HS3ST3A1: variants seen among roughly 807,000 people sequenced by gnomAD.
HS3ST3A1 encodes the protein heparan sulfate glucosamine 3-O-sulfotransferase 3A1.
Under a neutral mutation model 25.7 loss-of-function variants are expected in HS3ST3A1, and 19 were observed. The observed-to-expected ratio is 0.74, with a 90% confidence interval of 0.52 to 1.08. The LOEUF is 1.08. Ranked by LOEUF, HS3ST3A1 falls within the 50% of genes least tolerant of loss-of-function variation. The pLI is 0.00. For synonymous variants in HS3ST3A1, 226 were observed against 278.6 expected, an observed-to-expected ratio of 0.81 and a Z score of 1.88; for missense variants, 459 against 594.3, an observed-to-expected ratio of 0.77 and a Z score of 2.37.
chr17:13,561,223 C>T (rs1375861293), intron 1 of HS3ST3A1, among the ~76,000 whole-genome samples: 1 of 152,058 alleles, frequency 6.6e-6, no homozygotes, highest in East Asian at 1.9e-4. Context: ...AGACCCATTG[C>T]CCTAGAGGAA....
intron 1 of HS3ST3A1, among the ~76,000 whole-genome samples, chr17:13,588,840 C>G (rs568953528): frequency 2.0e-5 from 3 of 152,150 alleles, no homozygotes; most frequent in Non-Finnish European, 4.4e-5. Context: ...CCCACCACCA[C>G]GCCCAGCTAA....
At chr17:13,511,126 G>A (rs1033003767) in intron 1 of HS3ST3A1, among the ~76,000 whole-genome samples, 1 of 152,140 alleles carries the variant, frequency 6.6e-6, no homozygotes, top group Admixed American at 6.5e-5. Flanking sequence ...CAGGTAAGAA[G>A]GGCTCTGACT....
chr17:13,583,366 A>T (rs1436826959), intron 1 of HS3ST3A1, among the ~76,000 whole-genome samples: 2 of 152,184 alleles, frequency 1.3e-5, no homozygotes, highest in Non-Finnish European at 2.9e-5. Context: ...CTGGTCATGC[A>T]ATGAAATATT....
chr17:13,600,521 C>T lies in HS3ST3A1; in HGVS notation c.599+10G>A. The T allele has an allele frequency of 6.3e-7, 1 of 1,586,932 alleles. No homozygotes were observed. ...ATCCTTCAGCCCCAGCCCGGGCCCGCCCCGCTCACCGGTACCAGGCGAGGC... is the reference window on the plus strand; with the variant it reads ...ATCCTTCAGCCCCAGCCCGGGCCCGTCCCGCTCACCGGTACCAGGCGAGGC... On this transcript the variant is annotated intron_variant, in intron 1 of 1. Coordinates refer to ENST00000284110, the MANE Select transcript of HS3ST3A1 (RefSeq NM_006042.3).
intron 1 of HS3ST3A1, among the ~76,000 whole-genome samples, chr17:13,539,483 C>T (rs1319438994): frequency 6.6e-6 from 1 of 152,190 alleles, no homozygotes; most frequent in African/African-American, 2.4e-5. Flanking sequence ...CATAATTTCA[C>T]TTCACAGGTT....
chr17:13,561,434 T>C (rs1487405289), intron 1 of HS3ST3A1, among the ~76,000 whole-genome samples: 1 of 151,550 alleles, frequency 6.6e-6, no homozygotes, highest in African/African-American at 2.4e-5. Flanking sequence ...TCGCCCAGGC[T>C]AGAGTACAGT....
intron 1 of HS3ST3A1, among the ~76,000 whole-genome samples, chr17:13,563,913 C>A (rs1415681239): frequency 6.6e-6 from 1 of 152,100 alleles, no homozygotes; most frequent in African/African-American, 2.4e-5. Context: ...CGGTGCCAGG[C>A]ACTAGTTTTT....
At position 13,494,650 on chromosome 17, in the gene HS3ST3A1, A is replaced by G. The variant is rs945389816; in HGVS notation, c.*1547T>C. On this transcript the variant is annotated 3_prime_UTR_variant, in exon 2 of 2. Coordinates refer to ENST00000284110, the MANE Select transcript of HS3ST3A1 (RefSeq NM_006042.3). The stretch of plus-strand genomic sequence containing the variant: ...CTCTTGGGTTTAAATTTCTAATAAA[A>G]TGTTGCTGACAGGCTAATTATAAAT... Among the ~76,000 whole-genome samples the G allele has an allele frequency of 6.6e-6, 1 of 152,228 alleles. No homozygotes were observed. Among genetic ancestry groups the G allele is most frequent in the Non-Finnish European group, 1.5e-5 (1 of 68,042 alleles).
chr17:13,584,451 G>A (rs1236374465), intron 1 of HS3ST3A1, among the ~76,000 whole-genome samples: 1 of 143,600 alleles, frequency 7.0e-6, no homozygotes, highest in Non-Finnish European at 1.5e-5. Context: ...AAGAGAGAGA[G>A]AGGAAGGAAG....
At chr17:13,543,227 T>C (rs1906986010) in intron 1 of HS3ST3A1, among the ~76,000 whole-genome samples, 1 of 152,144 alleles carries the variant, frequency 6.6e-6, no homozygotes, top group South Asian at 2.1e-4. Flanking sequence ...ATCAGAGGTA[T>C]ACTAATCGCA....
intron 1 of HS3ST3A1, among the ~76,000 whole-genome samples, chr17:13,557,422 G>A (rs912688183): frequency 2.0e-5 from 3 of 150,850 alleles, no homozygotes; most frequent in Non-Finnish European, 2.9e-5. Flanking sequence ...GACAACAAAG[G>A]CACCTTTCAG....
intron 1 of HS3ST3A1, among the ~76,000 whole-genome samples, chr17:13,520,517 C>A (rs1172192613): frequency 6.6e-6 from 1 of 152,128 alleles, no homozygotes; most frequent in African/African-American, 2.4e-5. Flanking sequence ...GCCAGAGCAA[C>A]GTCTGAAATA....
intron 1 of HS3ST3A1, among the ~76,000 whole-genome samples, chr17:13,530,417 C>T (rs1455616697): frequency 6.6e-6 from 1 of 151,560 alleles, no homozygotes; most frequent in African/African-American, 2.4e-5. Flanking sequence ...TTATTATTCC[C>T]ACTCTCCAAA....
At chr17:13,524,660 C>T (rs776057194) in intron 1 of HS3ST3A1, among the ~76,000 whole-genome samples, 28 of 152,068 alleles carry the variant, frequency 1.8e-4, no homozygotes, top group Non-Finnish European at 3.2e-4. Flanking sequence ...TAAAAAATTT[C>T]TACGTGTTCT....
chr17:13,585,723 T>C (rs1332253645), intron 1 of HS3ST3A1, among the ~76,000 whole-genome samples: 1 of 151,942 alleles, frequency 6.6e-6, no homozygotes, highest in Admixed American at 6.6e-5. Flanking sequence ...GTAGTGATCA[T>C]GGCTCCCAAA....
intron 1 of HS3ST3A1, among the ~76,000 whole-genome samples, chr17:13,565,371 A>C (rs903950732): frequency 2.0e-5 from 3 of 152,046 alleles, no homozygotes; most frequent in African/African-American, 7.2e-5. Flanking sequence ...ATCTCTACAA[A>C]AAATACAAAA....
Position 13,500,957 on chromosome 17 carries a change from C to G in HS3ST3A1, c.600-4139G>C, listed in dbSNP as rs143531787. On this transcript the variant is annotated intron_variant, in intron 1 of 1. Coordinates refer to ENST00000284110, the MANE Select transcript of HS3ST3A1 (RefSeq NM_006042.3). ...CTATTCAGAAATTCTGACATACACTCCAACATAGATGAACCCTGGGGACAT... is the reference window on the plus strand; with the variant it reads ...CTATTCAGAAATTCTGACATACACTGCAACATAGATGAACCCTGGGGACAT... Among the ~76,000 whole-genome samples, 28 of 152,286 alleles carry G rather than the reference C, an allele frequency of 1.8e-4. No individual in the cohort carries two copies. In the East Asian group the frequency reaches 5.2e-3, roughly 28 times the overall value.
intron 1 of HS3ST3A1, among the ~76,000 whole-genome samples, chr17:13,583,071 C>G (rs1461912376): frequency 6.6e-6 from 1 of 152,152 alleles, no homozygotes; most frequent in Non-Finnish European, 1.5e-5. Flanking sequence ...CACTGGAAAT[C>G]CACGGCCATA....
At chr17:13,585,840 GTTTTTTTTT>G (rs1207776880) in intron 1 of HS3ST3A1, among the ~76,000 whole-genome samples, 22 of 62,024 alleles carry the variant, frequency 3.5e-4, no homozygotes, top group African/African-American at 1.9e-3. Context: ...CTCCTTCTGC[GTTTTTTTTT>G]TTTTTTTTTT....
Sources: gnomAD v4.1 joint callset for allele counts (sites outside exome capture counted in the v4.1 genomes callset) on GRCh38, gnomAD v4.1.1 for gene constraint, MANE v1.5 for transcripts, NCBI Gene and HGNC (gene_info 2026-07-23, HGNC 2026-07-21) for gene names.